Variants in UBE2V2 observed in about 807,000 individuals in gnomAD.
UBE2V2 encodes the protein ubiquitin-conjugating enzyme E2 variant 2.
A neutral mutation model predicts 17.2 loss-of-function variants in UBE2V2; 9 were observed. That is an observed-to-expected ratio of 0.52 (90% CI 0.32 to 0.91). The LOEUF is 0.91. Among genes scored for constraint, UBE2V2 ranks in the 40% least tolerant of loss-of-function variants. The pLI is 0.04. For missense variants in UBE2V2, 133 were observed against 182.6 expected (o/e 0.73, Z 1.56); for synonymous variants, 61 against 57.5 (o/e 1.06, Z -0.28).
At chr8:48,012,635 T>C (rs2091240924) in intron 1 of UBE2V2, among the ~76,000 whole-genome samples, 1 of 151,788 alleles carries the variant, frequency 6.6e-6, no homozygotes, top group Admixed American at 6.6e-5. Flanking sequence ...GGAGAATCTC[T>C]TGAACCCGGG....
At chr8:48,022,170 T>G (rs1312540049) in intron 1 of UBE2V2, among the ~76,000 whole-genome samples, 1 of 149,038 alleles carries the variant, frequency 6.7e-6, no homozygotes, top group Non-Finnish European at 1.5e-5. Context: ...ACAGTGTCGT[T>G]CTTGTCACCC....
chr8:48,022,413 G>A (rs2091312214), intron 1 of UBE2V2, among the ~76,000 whole-genome samples: 1 of 152,136 alleles, frequency 6.6e-6, no homozygotes, highest in African/African-American at 2.4e-5. Context: ...TGGGATTACA[G>A]GCATGAACCA....
chr8:48,022,196 G>A (rs2091310475), intron 1 of UBE2V2, among the ~76,000 whole-genome samples: 1 of 149,744 alleles, frequency 6.7e-6, no homozygotes, highest in Non-Finnish European at 1.5e-5. Flanking sequence ...GGAGTGCAAT[G>A]ATCTGATCTT....
intron 1 of UBE2V2, among the ~76,000 whole-genome samples, chr8:48,010,080 C>G (rs1388651563): frequency 6.6e-6 from 1 of 152,110 alleles, no homozygotes; most frequent in East Asian, 1.9e-4. Context: ...TTTCATAACA[C>G]TATACATGAG....
intron 1 of UBE2V2, among the ~76,000 whole-genome samples, chr8:48,035,948 C>CTT (rs780718248): frequency 3.0e-4 from 36 of 121,694 alleles, no homozygotes; most frequent in African/African-American, 3.7e-4. Context: ...CCTTGCCTTT[C>CTT]TTTTTTTTTT....
intron 3 of UBE2V2, among the ~76,000 whole-genome samples, chr8:48,050,703 AAAG>A (rs2091531266): frequency 6.6e-6 from 1 of 152,074 alleles, no homozygotes; most frequent in South Asian, 2.1e-4. Context: ...AAAAAAAAAA[AAAG>A]AGATGATCAT....
intron 1 of UBE2V2, among the ~76,000 whole-genome samples, chr8:48,032,148 A>C (rs1262322456): frequency 6.6e-6 from 1 of 152,204 alleles, no homozygotes; most frequent in South Asian, 2.1e-4. Flanking sequence ...AGGTGAATAT[A>C]TAATAGATTT....
chr8:48,039,488 T>C (rs922880347), intron 1 of UBE2V2, among the ~76,000 whole-genome samples: 1 of 152,230 alleles, frequency 6.6e-6, no homozygotes, highest in Non-Finnish European at 1.5e-5. Context: ...ACCTTATTCC[T>C]AATATGTTCT....
At chr8:48,018,860 C>T (rs1179582900) in intron 1 of UBE2V2, among the ~76,000 whole-genome samples, 1 of 152,104 alleles carries the variant, frequency 6.6e-6, no homozygotes, top group South Asian at 2.1e-4. Context: ...TACAATTATT[C>T]TCTTGCTAAA....
chr8:48,040,249 T>C (rs922423217), intron 1 of UBE2V2, among the ~76,000 whole-genome samples: 9 of 152,124 alleles, frequency 5.9e-5, no homozygotes, highest in African/African-American at 1.7e-4. Flanking sequence ...AGTTAACAGA[T>C]ACTGTCTCTT....
chr8:48,002,894 C>CA, the UBE2V2 span, among the ~76,000 whole-genome samples: 11 of 151,428 alleles, frequency 7.3e-5, no homozygotes, highest in Non-Finnish European at 1.5e-4. Context: ...ATACGTATTT[C>CA]AAAATATCAT....
At chr8:48,024,541 G>A (rs1320135935) in intron 1 of UBE2V2, among the ~76,000 whole-genome samples, 1 of 151,756 alleles carries the variant, frequency 6.6e-6, no homozygotes, top group Non-Finnish European at 1.5e-5. Context: ...GTTGTGGTGA[G>A]CCGAGATCGC....
chr8:48,024,479 C>T (rs185505371), intron 1 of UBE2V2, among the ~76,000 whole-genome samples: 3 of 152,134 alleles, frequency 2.0e-5, no homozygotes, highest in African/African-American at 7.2e-5. Flanking sequence ...CCTGTAATCC[C>T]AGCTACTCAG....
intron 1 of UBE2V2, among the ~76,000 whole-genome samples, chr8:48,023,186 G>T (rs1364600731): frequency 6.7e-6 from 1 of 150,212 alleles, no homozygotes; most frequent in East Asian, 2.0e-4. Flanking sequence ...CTCCATATTT[G>T]TACAGTTTTT....
At chr8:48,002,339 A>C in the UBE2V2 span, among the ~76,000 whole-genome samples, 18 of 152,254 alleles carry the variant, frequency 1.2e-4, no homozygotes, top group Non-Finnish European at 1.5e-5. Context: ...ACACAGTAGA[A>C]TACTACTCAG....
chr8:48,017,469 G>A (rs1045784188), intron 1 of UBE2V2, among the ~76,000 whole-genome samples: 14 of 151,666 alleles, frequency 9.2e-5, no homozygotes, highest in Admixed American at 7.9e-4. Context: ...TGCCTCCTGG[G>A]TTCAAGGGAT....
chr8:48,045,038 A>T (rs1478868048), intron 2 of UBE2V2, among the ~76,000 whole-genome samples: 2 of 152,088 alleles, frequency 1.3e-5, no homozygotes. Flanking sequence ...ACCGAACCTC[A>T]GGAAACTCTA....
intron 1 of UBE2V2, among the ~76,000 whole-genome samples, chr8:48,012,755 A>T (rs1247793807): frequency 6.6e-6 from 1 of 152,130 alleles, no homozygotes; most frequent in Non-Finnish European, 1.5e-5. Flanking sequence ...CAATAGTTTT[A>T]AAAAAATACA....
the UBE2V2 span, among the ~76,000 whole-genome samples, chr8:48,002,553 C>T: frequency 9.2e-5 from 14 of 151,536 alleles, no homozygotes; most frequent in Admixed American, 4.6e-4. Context: ...TTTGGGAAGC[C>T]GAGGTGGGCA....
Sources: allele counts gnomAD v4.1 joint callset (sites outside exome capture counted in the v4.1 genomes callset), GRCh38; gene constraint gnomAD v4.1.1; transcripts MANE v1.5; gene names NCBI Gene and HGNC (gene_info 2026-07-23, HGNC 2026-07-21).